The following GRK5 variants were observed in gnomAD, a reference collection of about 807,000 sequenced individuals.
GRK5 encodes g protein-coupled receptor kinase GRK5.
Under a neutral mutation model 78.4 loss-of-function variants are expected in GRK5, and 40 were observed. The observed-to-expected ratio is 0.51, with a 90% CI of 0.40 to 0.66. The LOEUF (loss-of-function observed/expected upper bound fraction) is 0.66, where lower values mean the gene tolerates loss of function less well. Ranked by LOEUF, GRK5 falls within the 30% of genes least tolerant of loss-of-function variation. The pLI is 0.00. For missense variants in GRK5, 598 were observed against 759.9 expected, an observed-to-expected ratio of 0.79 and a Z score of 2.50; for synonymous variants, 289 against 296.8, an observed-to-expected ratio of 0.97 and a Z score of 0.27.
At chr10:119,390,790 C>A (rs1851877586) in intron 3 of GRK5, among the ~76,000 whole-genome samples, 1 of 152,126 alleles carries the variant, frequency 6.6e-6, no homozygotes, top group African/African-American at 2.4e-5. Context: ...GATTCAATTA[C>A]CTCCCACCAC....
chr10:119,235,135 C>A (rs1848902884), intron 1 of GRK5, among the ~76,000 whole-genome samples: 1 of 151,082 alleles, frequency 6.6e-6, no homozygotes, highest in Non-Finnish European at 1.5e-5. Flanking sequence ...ACCACCAGGA[C>A]TGGCTAATTT....
Position 119,412,840 on chromosome 10 carries a change from G to A in GRK5, c.340-10326G>A, listed in dbSNP as rs564340079. ...TTTAGGGTTGGAACAGCCCCCATTC[G>A]CCCCACCACCCTCTGCTTTCCCCAC... On this transcript the variant is annotated intron_variant, in intron 4 of 15. Coordinates refer to ENST00000392870, the MANE Select transcript of GRK5 (RefSeq NM_005308.3). The surrounding 1 kb of genome is among the most constrained non-coding windows in gnomAD (Gnocchi z 4.3). Among the ~76,000 whole-genome samples, 11 of 152,174 alleles carry A rather than the reference G, an allele frequency of 7.2e-5. 1 individual carries two copies. In the East Asian group the frequency reaches 7.7e-4, roughly 11 times the overall value.
chr10:119,275,588 C>CTCTA (rs1849655525), intron 1 of GRK5, among the ~76,000 whole-genome samples: 1 of 45,168 alleles, frequency 2.2e-5, no homozygotes, highest in Non-Finnish European at 4.3e-5. Flanking sequence ...CGTGTGCACG[C>CTCTA]TCTCTCTCTC....
intron 4 of GRK5, among the ~76,000 whole-genome samples, chr10:119,399,774 A>T (rs1275591994): frequency 1.3e-5 from 2 of 152,090 alleles, no homozygotes; most frequent in African/African-American, 2.4e-5. Flanking sequence ...TGCTGAGCAC[A>T]CTTTGGGCTA....
At chr10:119,252,803 G>T (rs79300888) in intron 1 of GRK5, among the ~76,000 whole-genome samples, 3,213 of 152,250 alleles carry the variant, frequency 0.021, 58 homozygotes, top group Admixed American at 0.054. Flanking sequence ...TTTATGGGTC[G>T]TAGAGGATAC....
rs1851698513 is a variant in GRK5, at chr10:119,380,838, G to A, written c.172G>A (p.Asp58Asn). ...AGACAGAGATTACTGCAGTTTATGT[G>A]ACAAGCAGCCAATCGGGAGGCTGCT... ...TIDRDYCSLC[D>N]KQPIGRLLFR... The change falls in exon 3 of 16, where the codon GAC becomes AAC. Residue 58 changes from aspartate (D) to asparagine (N), a missense_variant. Transcript: ENST00000392870. 1 of 1,612,210 alleles carries A rather than the reference G, an allele frequency of 6.2e-7. No homozygotes were observed. The highest frequency in any genetic ancestry group is 1.1e-5 in the South Asian group (1 of 91,002).
intron 1 of GRK5, among the ~76,000 whole-genome samples, chr10:119,232,692 G>C (rs1848850332): frequency 1.3e-5 from 2 of 152,182 alleles, no homozygotes; most frequent in African/African-American, 4.8e-5. Context: ...ATCCATGTAA[G>C]ACGTGACTTG....
Position 119,455,295 on chromosome 10 carries a change from G to A in GRK5, c.*228G>A. ...GCCGGGGTGGATTGGATTTGTCTTT[G>A]GTGAACATTGCAATAGAAATCCAAT... On this transcript the variant is annotated 3_prime_UTR_variant, in exon 16 of 16. Transcript: ENST00000392870. 1.4e-6 allele frequency: 1 copy of A among 692,690 alleles called. No individual in the cohort carries two copies. Among genetic ancestry groups the A allele is most frequent in the African/African-American group, 1.7e-5 (1 of 57,174 alleles). 42.9% of individuals were successfully genotyped at this position (692,690 alleles called of 1,614,324 possible). A position where few individuals can be genotyped will look rare whatever the true frequency, so the allele number is the denominator to read the frequency against.
At chr10:119,426,868 C>T (rs541659555) in intron 6 of GRK5, among the ~76,000 whole-genome samples, 441 of 152,348 alleles carry the variant, frequency 2.9e-3, no homozygotes, top group African/African-American at 0.01. Flanking sequence ...AGTATCATTG[C>T]CATCAACAGC....
chr10:119,394,184 GTCTGTGTATGGGGGTGTGTA>G (rs1851944684), intron 3 of GRK5, among the ~76,000 whole-genome samples: 1 of 144,336 alleles, frequency 6.9e-6, no homozygotes, highest in Non-Finnish European at 1.5e-5. Flanking sequence ...GTGTGTGGGT[GTCTGTGTATGGGGGTGTGTA>G]TCTGTGTGTG....
intron 2 of GRK5, among the ~76,000 whole-genome samples, chr10:119,360,646 G>C (rs1354663223): frequency 6.6e-6 from 1 of 152,200 alleles, no homozygotes; most frequent in African/African-American, 2.4e-5. Flanking sequence ...AGACTTGTGA[G>C]TGGGAGGAGA....
chr10:119,282,458 G>T (rs1027267056), intron 1 of GRK5, among the ~76,000 whole-genome samples: 1 of 152,176 alleles, frequency 6.6e-6, no homozygotes, highest in African/African-American at 2.4e-5. Context: ...GTAACAGTCT[G>T]TTTTCCTTGT....
Position 119,288,169 on chromosome 10 carries a change from C to G in GRK5, c.53-38347C>G, listed in dbSNP as rs1849890332. Reference sequence around the variant, plus strand: ...GTGTGGGCTCTGTTCCCCTCCCCACCCTTTCTGCCTGCAGAGCCTCCCTGG... The same window carrying G: ...GTGTGGGCTCTGTTCCCCTCCCCACGCTTTCTGCCTGCAGAGCCTCCCTGG... On this transcript the variant is annotated intron_variant, in intron 1 of 15. Transcript: ENST00000392870. Among the ~76,000 whole-genome samples, 3 of 152,210 alleles carry G rather than the reference C, an allele frequency of 2.0e-5. No homozygotes were observed. The East Asian group carries it at 5.8e-4, about 29-fold the overall frequency.
rs1849581326 is a variant in GRK5 at position 119,271,425 on chromosome 10, C to T, written c.53-55091C>T. ...GAGACTGGCTGAAACAATGTGTTTC[C>T]TACAGATTTTGTTTGCCTGCATTGA... On this transcript the variant is annotated intron_variant, in intron 1 of 15. Coordinates refer to ENST00000392870, the MANE Select transcript of GRK5 (RefSeq NM_005308.3). The surrounding 1 kb of genome is among the most constrained non-coding windows in gnomAD (Gnocchi z 4.1). 6.6e-6 allele frequency among the ~76,000 whole-genome samples: 1 copy of T among 152,224 alleles called. No homozygotes were observed. Among genetic ancestry groups the T allele is most frequent in the African/African-American group, 2.4e-5 (1 of 41,444 alleles).
intron 8 of GRK5, among the ~76,000 whole-genome samples, chr10:119,433,247 A>C (rs779481367): frequency 3.5e-4 from 54 of 152,282 alleles, no homozygotes; most frequent in Non-Finnish European, 5.3e-4. Flanking sequence ...AACTTCAGCC[A>C]TCATTTCAGC....
intron 2 of GRK5, among the ~76,000 whole-genome samples, chr10:119,348,658 T>C (rs1374315598): frequency 3.9e-5 from 6 of 152,156 alleles, no homozygotes; most frequent in African/African-American, 7.2e-5. Flanking sequence ...GAATGGGCTG[T>C]GCTACAACCA....
intron 1 of GRK5, among the ~76,000 whole-genome samples, chr10:119,214,776 C>T (rs1374460340): frequency 1.3e-5 from 2 of 152,238 alleles, no homozygotes; most frequent in Non-Finnish European, 2.9e-5. Flanking sequence ...CCACCTTGGC[C>T]TCCCAAAATG....
At chr10:119,296,917 G>T (rs1186010074) in intron 1 of GRK5, among the ~76,000 whole-genome samples, 1 of 152,144 alleles carries the variant, frequency 6.6e-6, no homozygotes, top group African/African-American at 2.4e-5. Flanking sequence ...AGACATACTG[G>T]TCACCCTGTG....
intron 1 of GRK5, among the ~76,000 whole-genome samples, chr10:119,249,786 C>T (rs1429129838): frequency 6.6e-6 from 1 of 152,254 alleles, no homozygotes; most frequent in Non-Finnish European, 1.5e-5. Flanking sequence ...TAGGCGTGAG[C>T]CACTGCGTCC....
Sources: allele counts gnomAD v4.1 joint callset (sites outside exome capture counted in the v4.1 genomes callset), GRCh38; gene constraint gnomAD v4.1.1; non-coding constraint Gnocchi (gnomAD v3.1); transcripts MANE v1.5; gene names NCBI Gene and HGNC (gene_info 2026-07-23, HGNC 2026-07-21).